ZNF83: variants seen among roughly 807,000 people sequenced by gnomAD.
The protein encoded by ZNF83 is zinc finger protein 83.
For missense variants in ZNF83, 552 were observed against 629.9 expected (o/e 0.88, Z 1.32); for synonymous variants, 209 against 213.0 (o/e 0.98, Z 0.17).
At chr19:52,662,413 G>A (rs570736589) in intron 1 of ZNF83, among the ~76,000 whole-genome samples, 4 of 152,276 alleles carry the variant, frequency 2.6e-5, no homozygotes, top group Non-Finnish European at 4.4e-5. Context: ...AGAGCTCAGG[G>A]GAGAGGCCTG....
intron 1 of ZNF83, among the ~76,000 whole-genome samples, chr19:52,671,022 C>T (rs888938502): frequency 2.6e-5 from 4 of 152,182 alleles, no homozygotes; most frequent in Non-Finnish European, 5.9e-5. Flanking sequence ...TAGTTATTCT[C>T]TTCAGGATTG....
At chr19:52,660,166 TTAAG>T (rs1455128159) in intron 2 of ZNF83, among the ~76,000 whole-genome samples, 1 of 152,056 alleles carries the variant, frequency 6.6e-6, no homozygotes, top group Non-Finnish European at 1.5e-5. Context: ...TAAGCTTTGC[TTAAG>T]TGAGTGGGAA....
intron 2 of ZNF83, among the ~76,000 whole-genome samples, chr19:52,657,761 C>T (rs1054302883): frequency 6.6e-6 from 1 of 151,394 alleles, no homozygotes; most frequent in Non-Finnish European, 1.5e-5. Flanking sequence ...GCAGGAGAAT[C>T]GCTTGAACCT....
chr19:52,628,513 G>A (rs191956207), intron 2 of ZNF83, among the ~76,000 whole-genome samples: 57 of 152,232 alleles, frequency 3.7e-4, no homozygotes, highest in Non-Finnish European at 2.4e-4. Context: ...AAACTCGGGC[G>A]CCGGTCACGG....
chr19:52,680,639 G>A (rs1038162200), intron 1 of ZNF83, among the ~76,000 whole-genome samples: 1 of 117,520 alleles, frequency 8.5e-6, no homozygotes, highest in African/African-American at 3.6e-5. Flanking sequence ...TTGAGACGGA[G>A]TCTCGCTCTG....
intron 2 of ZNF83, 63 bp from the exon 3 acceptor site, chr19:52,614,860 T>C (rs1434909836): frequency 1.7e-6 from 2 of 1,210,700 alleles, no homozygotes; most frequent in East Asian, 3.1e-5. Flanking sequence ...ATATCTCCTA[T>C]TGAAATGTGT....
intron 1 of ZNF83, among the ~76,000 whole-genome samples, chr19:52,680,606 ATTT>A (rs556558292): frequency 0.15 from 13,451 of 87,430 alleles, 291 homozygotes; most frequent in African/African-American, 0.23. Context: ...TCCACAAAAT[ATTT>A]TTTTTTTTTT....
chr19:52,644,199 T>C (rs2061344776), intron 3 of ZNF83, among the ~76,000 whole-genome samples: 1 of 151,616 alleles, frequency 6.6e-6, no homozygotes, highest in South Asian at 2.1e-4. Context: ...TTTTCATTTT[T>C]AGGGTACTGC....
intron 2 of ZNF83, among the ~76,000 whole-genome samples, chr19:52,628,509 G>A (rs1025296794): frequency 5.3e-5 from 8 of 152,116 alleles, no homozygotes; most frequent in African/African-American, 1.9e-4. Flanking sequence ...CCCAAAACTC[G>A]GGCGCCGGTC....
intron 1 of ZNF83, among the ~76,000 whole-genome samples, chr19:52,689,488 C>G (rs1400497632): frequency 6.6e-6 from 1 of 152,122 alleles, no homozygotes; most frequent in Non-Finnish European, 1.5e-5. Flanking sequence ...GCTCTGTCTG[C>G]CCTGGCTCCA....
chr19:52,618,483 C>A, intron 2 of ZNF83: 1 of 161,804 alleles, frequency 6.2e-6, no homozygotes, highest in South Asian at 1.7e-4. Flanking sequence ...AGGATGGTCT[C>A]GATCTCCTGA....
At chr19:52,668,912 C>T (rs1568574431) in intron 1 of ZNF83, among the ~76,000 whole-genome samples, 1 of 152,116 alleles carries the variant, frequency 6.6e-6, no homozygotes. Flanking sequence ...TCCCAAAGTT[C>T]GACACCCTGT....
chr19:52,678,022 G>A (rs2061845742), intron 1 of ZNF83, among the ~76,000 whole-genome samples: 1 of 143,078 alleles, frequency 7.0e-6, no homozygotes, highest in African/African-American at 2.6e-5. Flanking sequence ...GTGACAGAGT[G>A]AGACTGTCTC....
chr19:52,655,493 T>C, intron 3 of ZNF83: 2 of 1,356,442 alleles, frequency 1.5e-6, no homozygotes, highest in Non-Finnish European at 2.1e-6. Context: ...CAAAAGAGAA[T>C]ACAAAACCAG....
At chr19:52,645,318 C>T (rs1292841467) in intron 3 of ZNF83, among the ~76,000 whole-genome samples, 2 of 152,080 alleles carry the variant, frequency 1.3e-5, no homozygotes, top group Non-Finnish European at 2.9e-5. Flanking sequence ...AGAAAGCATG[C>T]ACATCTCGAT....
upstream of ZNF83, among the ~76,000 whole-genome samples, chr19:52,641,157 T>A (rs2061299959): frequency 6.7e-6 from 1 of 149,472 alleles, no homozygotes; most frequent in Admixed American, 6.6e-5. Flanking sequence ...CTCCTCCCTC[T>A]TGCCCCGCCC....
chr19:52,690,167 T>A (rs1367735106), intron 1 of ZNF83, among the ~76,000 whole-genome samples: 9 of 128,988 alleles, frequency 7.0e-5, no homozygotes, highest in South Asian at 2.5e-4. Flanking sequence ...GGGAGGAGTC[T>A]GAAAATGATT....
chr19:52,628,276 C>A (rs899737847), intron 2 of ZNF83, among the ~76,000 whole-genome samples: 1 of 152,150 alleles, frequency 6.6e-6, no homozygotes, highest in Non-Finnish European at 1.5e-5. Context: ...TGAGGAAGAT[C>A]CACCTACGAC....
chr19:52,626,423 A>G (rs2060739415), intron 2 of ZNF83, among the ~76,000 whole-genome samples: 1 of 152,224 alleles, frequency 6.6e-6, no homozygotes, highest in Non-Finnish European at 1.5e-5. Context: ...CTGGCCTGGT[A>G]TATGACAACA....
Sources: gnomAD v4.1 joint callset for allele counts (sites outside exome capture counted in the v4.1 genomes callset) on GRCh38, gnomAD v4.1.1 for gene constraint, MANE v1.5 for transcripts, NCBI Gene and HGNC (gene_info 2026-07-23, HGNC 2026-07-21) for gene names.